The following PALM2AKAP2 variants were observed in gnomAD, a reference collection of about 807,000 sequenced individuals.
PALM2AKAP2 encodes the protein PALM2 and AKAP2 fusion, also known as PALM2-AKAP2 fusion protein.
A neutral mutation model predicts 71.5 loss-of-function variants in PALM2AKAP2; 37 were observed. The observed-to-expected ratio is 0.52, with a 90% CI of 0.40 to 0.68. The LOEUF is 0.68. PALM2AKAP2 is among the 30% of genes least tolerant of loss of function. The probability of loss-of-function intolerance (pLI) is 0.00; values close to 1 mark genes in which losing one functional copy is unlikely to be tolerated. For missense variants in PALM2AKAP2, 1,224 were observed against 1,191.8 expected, an observed-to-expected ratio of 1.03 and a Z score of -0.40; for synonymous variants, 468 against 478.8, an observed-to-expected ratio of 0.98 and a Z score of 0.29.
chr9:109,734,365 C>G (rs1238410574), intron 1 of PALM2AKAP2, among the ~76,000 whole-genome samples: 1 of 152,082 alleles, frequency 6.6e-6, no homozygotes, highest in Non-Finnish European at 1.5e-5. Context: ...AATATTGAAA[C>G]TAACATTGAA....
intron 1 of PALM2AKAP2, among the ~76,000 whole-genome samples, chr9:109,813,731 C>T (rs1291247847): frequency 6.6e-6 from 1 of 152,118 alleles, no homozygotes; most frequent in African/African-American, 2.4e-5. Context: ...TCAAGAAGCC[C>T]ATAACTCTTA....
rs560850308 is a variant in PALM2AKAP2, at chr9:109,715,439, G to A, written c.6-65049G>A. The stretch of plus-strand genomic sequence containing the variant: ...ATCCTAAGAGGGGTTAGGAGGGCTG[G>A]GCAGTCGTTCAACGTTCCCTGCTTA... On this transcript the variant is annotated intron_variant, in intron 1 of 6. Transcript: ENST00000374531. Among the ~76,000 whole-genome samples the A allele has an allele frequency of 2.6e-5, 4 of 152,222 alleles. No individual in the cohort carries two copies. The South Asian group carries it at 6.2e-4, about 24-fold the overall frequency.
intron 6 of PALM2AKAP2, among the ~76,000 whole-genome samples, chr9:109,968,924 C>T (rs189177102): frequency 1.2e-4 from 18 of 152,212 alleles, no homozygotes; most frequent in African/African-American, 2.9e-4. Context: ...AGTTCCTCTC[C>T]GGGCTATAAA....
At chr9:109,815,396 G>A (rs1827827473) in intron 1 of PALM2AKAP2, among the ~76,000 whole-genome samples, 2 of 152,300 alleles carry the variant, frequency 1.3e-5, no homozygotes, top group Admixed American at 6.5e-5. Flanking sequence ...GGGGACTTCA[G>A]TAAATCTGCA....
chr9:109,654,403 C>T (rs1267779823), intron 1 of PALM2AKAP2, among the ~76,000 whole-genome samples: 3 of 152,160 alleles, frequency 2.0e-5, no homozygotes, highest in Admixed American at 6.5e-5. Flanking sequence ...ATCTCCAAAA[C>T]TCTTTCATTG....
At chr9:110,134,470 G>T (rs1835803077) in intron 1 of PALM2AKAP2, among the ~76,000 whole-genome samples, 1 of 152,228 alleles carries the variant, frequency 6.6e-6, no homozygotes, top group African/African-American at 2.4e-5. Context: ...ATTTGTGCCT[G>T]TTAATGGAGA....
intron 2 of PALM2AKAP2, among the ~76,000 whole-genome samples, chr9:110,142,202 G>C (rs371050747): frequency 1.5e-4 from 22 of 151,460 alleles, no homozygotes; most frequent in African/African-American, 5.1e-4. Flanking sequence ...CTCCTGAATA[G>C]CTGGGATTAC....
chr9:109,802,433 C>T lies in PALM2AKAP2; in HGVS notation c.45+21900C>T, dbSNP rs141933998. 3.2e-3 allele frequency among the ~76,000 whole-genome samples: 484 copies of T among 152,264 alleles called. 1 individual carries two copies. The highest frequency in any genetic ancestry group is 0.011 in the African/African-American group (459 of 41,546). On this transcript the variant is annotated intron_variant, in intron 1 of 9. Coordinates refer to the PALM2AKAP2 transcript ENST00000302798. ...GCAGTGGGTTGTCATACCCCAGAGT[C>T]CCAGACACCAGCCAGACATTTGCTG...
intron 1 of PALM2AKAP2, among the ~76,000 whole-genome samples, chr9:109,850,795 A>G (rs1457169547): frequency 6.6e-6 from 1 of 152,216 alleles, no homozygotes; most frequent in Non-Finnish European, 1.5e-5. Flanking sequence ...AAGAGCTCAA[A>G]CAAGCTTAAG....
intron 6 of PALM2AKAP2, among the ~76,000 whole-genome samples, chr9:110,014,275 A>T (rs1832931737): frequency 6.6e-6 from 1 of 152,232 alleles, no homozygotes; most frequent in African/African-American, 2.4e-5. Context: ...GTAAACAAAT[A>T]TTACACAGAT....
intron 5 of PALM2AKAP2, 30 bp downstream of exon 5, chr9:109,925,112 A>G (rs752575183): frequency 6.2e-7 from 1 of 1,613,984 alleles, no homozygotes; most frequent in Non-Finnish European, 8.5e-7. Context: ...ACTGTAGATG[A>G]ATGTTTTAAT....
intron 1 of PALM2AKAP2, among the ~76,000 whole-genome samples, chr9:109,851,209 C>CAAAAA (rs56938333): frequency 1.7e-4 from 24 of 144,998 alleles, no homozygotes; most frequent in South Asian, 1.3e-3. Flanking sequence ...ACAACAACAA[C>CAAAAA]AAAAAAAAAA....
chr9:110,125,379 C>A, intron 1 of PALM2AKAP2: 3 of 522,262 alleles, frequency 5.7e-6, no homozygotes, highest in Non-Finnish European at 7.4e-6. Context: ...CCAGCTCCGG[C>A]CAGCCAGGGA....
chr9:109,852,409 A>G (rs1829046383), intron 1 of PALM2AKAP2, among the ~76,000 whole-genome samples: 1 of 152,154 alleles, frequency 6.6e-6, no homozygotes, highest in Non-Finnish European at 1.5e-5. Context: ...CATGGTGTAT[A>G]TGTACCACAT....
chr9:109,766,055 C>T (rs1163276167), intron 1 of PALM2AKAP2, among the ~76,000 whole-genome samples: 1 of 152,168 alleles, frequency 6.6e-6, no homozygotes. Context: ...GGCAGGCTGT[C>T]TTGGGCTTCT....
intron 1 of PALM2AKAP2, among the ~76,000 whole-genome samples, chr9:110,080,082 A>G (rs2118686003): frequency 6.6e-6 from 1 of 151,642 alleles, no homozygotes; most frequent in South Asian, 2.1e-4. Context: ...AAAAAAAAAA[A>G]AAAAAAAAAA....
At chr9:109,678,868 T>A (rs1827686111) in intron 1 of PALM2AKAP2, among the ~76,000 whole-genome samples, 1 of 152,206 alleles carries the variant, frequency 6.6e-6, no homozygotes, top group Non-Finnish European at 1.5e-5. Context: ...GATAATAACA[T>A]GTTTGCTTTG....
intron 1 of PALM2AKAP2, among the ~76,000 whole-genome samples, chr9:109,716,964 G>A (rs1158440589): frequency 6.6e-6 from 1 of 152,138 alleles, no homozygotes; most frequent in Non-Finnish European, 1.5e-5. Context: ...TGGGATGTCT[G>A]GTTTTCTTAA....
rs1466252325 is a variant in PALM2AKAP2, at chr9:110,063,243, A to T, written c.156+14388A>T. On this transcript the variant is annotated intron_variant, in intron 1 of 3. Coordinates refer to ENST00000374525, the Ensembl canonical transcript of PALM2AKAP2. The stretch of plus-strand genomic sequence containing the variant: ...TCTTAACTTTGGCAAATAAATCTAA[A>T]ATGATTGAGATTTGTCTTGTCATTT... 2.0e-5 allele frequency among the ~76,000 whole-genome samples: 3 copies of T among 152,162 alleles called. No individual in the cohort carries two copies. In the East Asian group the frequency reaches 5.8e-4, roughly 29 times the overall value.
Sources: gnomAD v4.1 joint callset for allele counts (sites outside exome capture counted in the v4.1 genomes callset) on GRCh38, gnomAD v4.1.1 for gene constraint, MANE v1.5 for transcripts, NCBI Gene and HGNC (gene_info 2026-07-23, HGNC 2026-07-21) for gene names.